Variants in CNTN4 observed in about 807,000 individuals in gnomAD.
The protein encoded by CNTN4 is contactin-4.
CNTN4 carries 77 observed loss-of-function variants against 122.5 expected under a neutral mutation model. The observed-to-expected ratio is 0.63, with a 90% CI of 0.52 to 0.76. The LOEUF (loss-of-function observed/expected upper bound fraction) is 0.76. Ranked by LOEUF, CNTN4 falls within the 30% of genes least tolerant of loss-of-function variation. CNTN4 has a pLI of 0.00. For synonymous variants in CNTN4, 512 were observed against 447.0 expected, an observed-to-expected ratio of 1.15 and a Z score of -1.83; for missense variants, 1,256 against 1,259.1, an observed-to-expected ratio of 1.00 and a Z score of 0.04.
intron 3 of CNTN4, among the ~76,000 whole-genome samples, chr3:2,379,470 T>C (rs1424864090): frequency 2.6e-5 from 4 of 152,196 alleles, no homozygotes; most frequent in Non-Finnish European, 5.9e-5. Flanking sequence ...GACCTCAATA[T>C]CCTAATGTAA....
chr3:2,665,670 C>T (rs1170071123), intron 4 of CNTN4, among the ~76,000 whole-genome samples: 1 of 152,060 alleles, frequency 6.6e-6, no homozygotes, highest in African/African-American at 2.4e-5. Context: ...AATTAGGGGA[C>T]CACTCTTGGC....
chr3:2,356,669 T>A (rs2044886361), intron 3 of CNTN4, among the ~76,000 whole-genome samples: 3 of 152,302 alleles, frequency 2.0e-5, no homozygotes, highest in Non-Finnish European at 4.4e-5. Flanking sequence ...ATGCCCAACC[T>A]CCTGGGAATG....
intron 3 of CNTN4, among the ~76,000 whole-genome samples, chr3:2,566,542 C>G (rs1295677660): frequency 6.6e-6 from 1 of 152,150 alleles, no homozygotes; most frequent in Non-Finnish European, 1.5e-5. Context: ...CTATGTGCCT[C>G]TAAAATGTCA....
chr3:2,347,410 CTTTTT>C (rs10664705), intron 3 of CNTN4, among the ~76,000 whole-genome samples: 1 of 113,162 alleles, frequency 8.8e-6, no homozygotes, highest in Admixed American at 1.1e-4. Flanking sequence ...GAAATACAAT[CTTTTT>C]TTTTTTTTTT....
chr3:3,039,321 G>C, intron 19 of CNTN4: 1 of 276,670 alleles, frequency 3.6e-6, no homozygotes, highest in South Asian at 5.0e-5. Flanking sequence ...TTGCTGCATG[G>C]CCAATTGATT....
chr3:2,893,864 A>C lies in CNTN4; in HGVS notation c.940+6640A>C, dbSNP rs111733871. On this transcript the variant is annotated intron_variant, in intron 10 of 24. Coordinates refer to ENST00000418658, the MANE Select transcript of CNTN4 (RefSeq NM_175607.3). ...TCTGCTTGTCTAAGCAGGAGGGCTC[A>C]AACTGTTGGTTTAAGGACTCCTTTT... Among the ~76,000 whole-genome samples, 427 of 152,266 alleles carry C rather than the reference A, an allele frequency of 2.8e-3. 1 individual carries two copies. Among genetic ancestry groups the C allele is most frequent in the African/African-American group, 9.7e-3 (404 of 41,548 alleles).
chr3:2,649,811 G>C (rs541695894), intron 4 of CNTN4, among the ~76,000 whole-genome samples: 1 of 151,870 alleles, frequency 6.6e-6, no homozygotes, highest in South Asian at 2.1e-4. Context: ...CTTCTAGAAA[G>C]GATTCACCAT....
chr3:2,836,909 G>T (rs2093239069), intron 7 of CNTN4, among the ~76,000 whole-genome samples: 1 of 151,790 alleles, frequency 6.6e-6, no homozygotes. Flanking sequence ...AAAACTTAAA[G>T]TATAATAATA....
chr3:3,052,429 C>A (rs1451226576), intron 23 of CNTN4, among the ~76,000 whole-genome samples: 3 of 152,268 alleles, frequency 2.0e-5, no homozygotes, highest in Admixed American at 6.5e-5. Flanking sequence ...TGTTGAAAAC[C>A]ACTGAGCTAC....
chr3:2,466,269 C>CA (rs2075492525), intron 3 of CNTN4, among the ~76,000 whole-genome samples: 1 of 152,284 alleles, frequency 6.6e-6, no homozygotes, highest in South Asian at 2.1e-4. Context: ...AAATGCTTGT[C>CA]AAACTAATAT....
At chr3:2,612,979 G>A (rs964789721) in intron 4 of CNTN4, among the ~76,000 whole-genome samples, 1 of 152,110 alleles carries the variant, frequency 6.6e-6, no homozygotes, top group Non-Finnish European at 1.5e-5. Flanking sequence ...GCATCTTAGG[G>A]TGCTGCATGT....
At chr3:2,826,198 C>G (rs1041601702) in intron 7 of CNTN4, among the ~76,000 whole-genome samples, 1 of 152,106 alleles carries the variant, frequency 6.6e-6, no homozygotes, top group Non-Finnish European at 1.5e-5. Context: ...CTTTCTGTGT[C>G]AGTGGTTCTT....
chr3:2,352,798 A>G (rs988462083), intron 3 of CNTN4, among the ~76,000 whole-genome samples: 2 of 152,202 alleles, frequency 1.3e-5, no homozygotes, highest in Admixed American at 1.3e-4. Context: ...GGTGGGCAGC[A>G]GGGGATCTAC....
intron 13 of CNTN4, among the ~76,000 whole-genome samples, chr3:2,960,763 G>A (rs13079652): frequency 0.17 from 26,356 of 152,054 alleles, 2,721 homozygotes; most frequent in East Asian, 0.41. Context: ...CATGTCCTGC[G>A]TCATGTCCTT....
At chr3:2,557,093 TC>T (rs2149398086) in intron 3 of CNTN4, among the ~76,000 whole-genome samples, 2 of 152,346 alleles carry the variant, frequency 1.3e-5, no homozygotes, top group South Asian at 4.1e-4. Context: ...GTCTCAAAAT[TC>T]ATGTTATCAC....
At chr3:2,260,810 C>G (rs929680597) in intron 2 of CNTN4, among the ~76,000 whole-genome samples, 11 of 149,864 alleles carry the variant, frequency 7.3e-5, no homozygotes, top group African/African-American at 2.7e-4. Context: ...TCACTGTAAC[C>G]TCTGCCTCCC....
At chr3:2,294,585 C>T (rs958413929) in intron 2 of CNTN4, among the ~76,000 whole-genome samples, 3 of 152,134 alleles carry the variant, frequency 2.0e-5, no homozygotes, top group Non-Finnish European at 4.4e-5. Context: ...GAGCCGAGAT[C>T]GTGCCACTGC....
intron 7 of CNTN4, among the ~76,000 whole-genome samples, chr3:2,860,334 G>T (rs2093658831): frequency 1.3e-5 from 2 of 152,206 alleles, no homozygotes; most frequent in Non-Finnish European, 2.9e-5. Context: ...AGCCATGGGT[G>T]TAGGAGTGGC....
At position 2,196,545 on chromosome 3, in the gene CNTN4, C is replaced by A. The variant is rs984478347; in HGVS notation, c.-145+95906C>A. On this transcript the variant is annotated intron_variant, in intron 2 of 24. Coordinates refer to ENST00000418658, the MANE Select transcript of CNTN4 (RefSeq NM_175607.3). ...ATCTACTATAGTGCTAGTCATGTAA[C>A]CTCTGATTTATTTTCCACAATTTTT... Among the ~76,000 whole-genome samples, 5 of 152,032 alleles carry A rather than the reference C, an allele frequency of 3.3e-5. 1 individual carries two copies. Among genetic ancestry groups the A allele is most frequent in the African/African-American group, 1.2e-4 (5 of 41,396 alleles).
Sources: allele counts gnomAD v4.1 joint callset (sites outside exome capture counted in the v4.1 genomes callset), GRCh38; gene constraint gnomAD v4.1.1; transcripts MANE v1.5; gene names NCBI Gene and HGNC (gene_info 2026-07-23, HGNC 2026-07-21).